The following NLRP14 variants were observed in gnomAD, a reference collection of about 807,000 sequenced individuals.
NLRP14 encodes the protein NACHT, LRR and PYD domains-containing protein 14.
Under a neutral mutation model 94.7 loss-of-function variants are expected in NLRP14, and 105 were observed. The ratio of observed to expected loss-of-function variants is 1.11; its 90% CI spans 0.95 to 1.30. The LOEUF is 1.30. NLRP14 is among the 50% of genes most tolerant of loss of function. NLRP14 has a pLI of 0.00. For synonymous variants in NLRP14, 508 were observed against 459.9 expected (o/e 1.10, Z -1.34); for missense variants, 1,362 against 1,254.1 (o/e 1.09, Z -1.30).
chr11:7,051,848 C>T (rs946318995), intron 6 of NLRP14, among the ~76,000 whole-genome samples: 7 of 152,146 alleles, frequency 4.6e-5, no homozygotes, highest in Non-Finnish European at 1.0e-4. Flanking sequence ...GTCTCGATCT[C>T]CTGACCTTGT....
intron 10 of NLRP14, among the ~76,000 whole-genome samples, chr11:7,065,354 T>A (rs778743127): frequency 6.6e-6 from 1 of 152,156 alleles, no homozygotes; most frequent in Non-Finnish European, 1.5e-5. Flanking sequence ...TTTTTCATTG[T>A]GTTTATACAT....
chr11:7,078,263 C>A, the NLRP14 span, among the ~76,000 whole-genome samples: 2 of 149,810 alleles, frequency 1.3e-5, no homozygotes, highest in African/African-American at 4.9e-5. Context: ...ATGGCAAAAC[C>A]CCGTCTGTAC....
intron 10 of NLRP14, among the ~76,000 whole-genome samples, chr11:7,067,678 T>C (rs1852725236): frequency 1.3e-5 from 2 of 152,208 alleles, no homozygotes; most frequent in Non-Finnish European, 1.5e-5. Context: ...ACATATCTCC[T>C]GTGTACATTG....
intron 6 of NLRP14, 120 bp from the exon 7 acceptor site, chr11:7,057,557 T>C (rs1472519251): frequency 2.2e-6 from 2 of 916,498 alleles, no homozygotes; most frequent in Non-Finnish European, 3.6e-6. Flanking sequence ...TGTAGAGAAG[T>C]TGGATTTTTC....
intron 1 of NLRP14, among the ~76,000 whole-genome samples, chr11:7,027,478 G>A (rs374406545): frequency 2.0e-5 from 3 of 151,956 alleles, no homozygotes; most frequent in Admixed American, 6.6e-5. Flanking sequence ...ATTCATGAAG[G>A]CTCTGCCCTC....
At chr11:7,076,563 A>G in the NLRP14 span, among the ~76,000 whole-genome samples, 2 of 151,816 alleles carry the variant, frequency 1.3e-5, no homozygotes, top group Admixed American at 6.6e-5. Context: ...CCTCCTCCTT[A>G]CAGAGCTGGC....
rs757791876 is a variant in NLRP14, at chr11:7,060,074, C to T, written c.2804+10C>T. Reference sequence around the variant, plus strand: ...ATCTTCAGGACTTGGAGTAGGTTTTCTGTTGCTTTACTTTTGTGTAGTTTC... The same window carrying T: ...ATCTTCAGGACTTGGAGTAGGTTTTTTGTTGCTTTACTTTTGTGTAGTTTC... On this transcript the variant is annotated intron_variant, in intron 9 of 11. Transcript: ENST00000299481. 6.3e-5 allele frequency: 102 copies of T among 1,610,900 alleles called. No individual in the cohort carries two copies. The highest frequency in any genetic ancestry group is 1.2e-4 in the Admixed American group (7 of 59,916).
At chr11:7,049,608 G>A (rs573879982) in intron 5 of NLRP14, 63 bp from the exon 6 acceptor site, 74 of 1,118,266 alleles carry the variant, frequency 6.6e-5, no homozygotes, top group Non-Finnish European at 9.5e-5. Flanking sequence ...TGAAAAGAAA[G>A]GGATCCTGTA....
chr11:7,089,990 C>G, the NLRP14 span: 1 of 1,613,070 alleles, frequency 6.2e-7, no homozygotes, highest in South Asian at 1.1e-5. Context: ...GAGAGCTGCG[C>G]GGCGCCGCCC....
Position 7,042,480 on chromosome 11 carries a change from C to A in NLRP14, c.454C>A (p.His152Asn). The change falls in exon 4 of 12, where the codon CAT becomes AAT. Residue 152 changes from histidine to asparagine, a missense_variant. Physicochemically the swap from His to Asn is moderately conservative, Grantham distance 68 (BLOSUM62 1). Coordinates refer to ENST00000299481, the MANE Select transcript of NLRP14 (RefSeq NM_176822.4). ...SLAGKPEDFH[H>N]GIAEKDRKLL... ...GGCTGGAAAGCCTGAAGATTTCCAT[C>A]ATGGAATTGCAGAGAAAGATAGAAA... is the stretch of plus-strand genomic sequence containing the variant. 3 of 1,613,944 alleles carry A rather than the reference C, an allele frequency of 1.9e-6. No homozygotes were observed. Among genetic ancestry groups the A allele is most frequent in the Non-Finnish European group, 2.5e-6 (3 of 1,179,780 alleles).
the NLRP14 span, among the ~76,000 whole-genome samples, chr11:7,077,859 G>C: frequency 6.6e-6 from 1 of 152,088 alleles, no homozygotes; most frequent in Admixed American, 6.6e-5. Flanking sequence ...ATGAGATTTG[G>C]GTGGGGACAC....
Position 7,060,910 on chromosome 11 carries a change from A to C in NLRP14, c.2804+846A>C, listed in dbSNP as rs189195714. The stretch of plus-strand genomic sequence containing the variant: ...CTTATTTCAAATTATCTTCTTGATT[A>C]TTTTAATGACTGTATGGTATTTAGT... On this transcript the variant is annotated intron_variant, in intron 9 of 11. Transcript: ENST00000299481. Among the ~76,000 whole-genome samples, 18 of 152,188 alleles carry C rather than the reference A, an allele frequency of 1.2e-4. 1 individual carries two copies. In the East Asian group the frequency reaches 3.5e-3, roughly 29 times the overall value.
At chr11:7,062,183 A>C (rs1388446901) in intron 9 of NLRP14, 150 bp from the exon 10 acceptor site, 1 of 667,764 alleles carries the variant, frequency 1.5e-6, no homozygotes, top group African/African-American at 1.8e-5. Context: ...CATCATTTTT[A>C]CTGATAAATT....
the NLRP14 span, chr11:7,089,754 G>A: frequency 2.6e-6 from 4 of 1,565,730 alleles, no homozygotes; most frequent in Non-Finnish European, 8.6e-7. Flanking sequence ...CCCGCGGGAT[G>A]AGGGCTACTC....
intron 9 of NLRP14, 60 bp downstream of exon 9, chr11:7,060,124 C>T: frequency 7.0e-7 from 1 of 1,431,096 alleles, no homozygotes; most frequent in Non-Finnish European, 9.9e-7. Context: ...TGGGGAGATA[C>T]TGAAAGAAAG....
chr11:7,090,054 C>A, the NLRP14 span: 1 of 1,612,806 alleles, frequency 6.2e-7, no homozygotes, highest in Non-Finnish European at 8.5e-7. Context: ...CGAGGAGTAC[C>A]GGGGCTACTC....
At position 7,043,705 on chromosome 11, in the gene NLRP14, T is replaced by C. The variant is rs375097983; in HGVS notation, c.1679T>C (p.Leu560Ser). 5.0e-6 allele frequency: 8 copies of C among 1,613,976 alleles called. No individual in the cohort carries two copies. In the African/African-American group the frequency reaches 9.3e-5, roughly 19 times the overall value. Residue 560 changes from leucine (L) to serine (S), a missense_variant, in exon 4 of 12, where the codon TTA (leucine) becomes TCA (serine). By Grantham distance (145) the Leu-to-Ser change is moderately radical. Coordinates refer to ENST00000299481, the MANE Select transcript of NLRP14 (RefSeq NM_176822.4). ...ATGTCACTGAAGATAAAATCAAAGT[T>C]ACTTCAGTGTATGGAAGTATTAGGA... is the stretch of plus-strand genomic sequence containing the variant. ...CKMSLKIKSK[L>S]LQCMEVLGNS... is the part of the protein sequence containing the mutation.
intron 1 of NLRP14, among the ~76,000 whole-genome samples, chr11:7,036,571 G>C (rs1334203310): frequency 6.6e-6 from 1 of 152,144 alleles, no homozygotes; most frequent in East Asian, 1.9e-4. Flanking sequence ...GTTAAAGTTA[G>C]GTGCATGCGT....
intron 8 of NLRP14, among the ~76,000 whole-genome samples, chr11:7,058,760 A>G (rs1433609726): frequency 6.6e-6 from 1 of 152,028 alleles, no homozygotes; most frequent in Non-Finnish European, 1.5e-5. Context: ...AATATCTCAC[A>G]AGAAAATGAT....
Sources: allele counts gnomAD v4.1 joint callset (sites outside exome capture counted in the v4.1 genomes callset), GRCh38; gene constraint gnomAD v4.1.1; transcripts MANE v1.5; gene names NCBI Gene and HGNC (gene_info 2026-07-23, HGNC 2026-07-21).